Variants in AGBL1 observed in about 807,000 individuals in gnomAD.
AGBL1 encodes cytosolic carboxypeptidase 4.
In AGBL1, 130 loss-of-function variants were observed where a neutral mutation model predicts 118.9. The observed-to-expected ratio is 1.09, with a 90% CI of 0.95 to 1.26. AGBL1 has a LOEUF of 1.26. Ranked by LOEUF, AGBL1 falls within the 50% of genes most tolerant of loss-of-function variation. The pLI, the probability that AGBL1 is intolerant of heterozygous loss-of-function variation, is 0.00. For synonymous variants in AGBL1, 555 were observed against 478.9 expected (o/e 1.16, Z -2.08); for missense variants, 1,584 against 1,298.1 (o/e 1.22, Z -3.38).
At chr15:86,369,695 G>T (rs547444700) in intron 17 of AGBL1, among the ~76,000 whole-genome samples, 1 of 152,218 alleles carries the variant, frequency 6.6e-6, no homozygotes, top group African/African-American at 2.4e-5. Flanking sequence ...GACCCTCAGA[G>T]AAGGTTTGCA....
chr15:86,949,168 TAAAA>T lies in AGBL1; in HGVS notation c.3222-38815_3222-38812del, dbSNP rs571711474. Among the ~76,000 whole-genome samples, 21 of 152,114 alleles carry T rather than the reference TAAAA, an allele frequency of 1.4e-4. No homozygotes were observed. In the South Asian group the frequency reaches 4.4e-3, roughly 32 times the overall value. ...AGATAATTTTCTTAAATGAAAAAAA[TAAAA>T]AAATAATGACCCATTAAGATTTTTG... On this transcript the variant is annotated intron_variant, in intron 23 of 24. Coordinates refer to the AGBL1 transcript ENST00000441037.
intron 8 of AGBL1, among the ~76,000 whole-genome samples, chr15:86,257,281 A>C: frequency 6.6e-6 from 1 of 152,174 alleles, no homozygotes; most frequent in East Asian, 1.9e-4. Context: ...ATGCCTGTAC[A>C]GTCATCTCAG....
At chr15:86,587,467 C>A (rs949701589) in intron 21 of AGBL1, among the ~76,000 whole-genome samples, 1 of 152,048 alleles carries the variant, frequency 6.6e-6, no homozygotes. Context: ...GTTAAAAAGG[C>A]TTCATGGAGG....
intron 18 of AGBL1, among the ~76,000 whole-genome samples, chr15:86,436,060 C>G (rs1328315202): frequency 6.9e-6 from 1 of 145,208 alleles, no homozygotes; most frequent in Non-Finnish European, 1.5e-5. Context: ...AATGGAGCTT[C>G]TAAACTTTCC....
At position 86,771,921 on chromosome 15, in the gene AGBL1, T is replaced by C. The variant is rs115217028; in HGVS notation, c.3158+97485T>C. On this transcript the variant is annotated intron_variant, in intron 22 of 22. Coordinates refer to ENST00000614907, the MANE Select transcript of AGBL1 (RefSeq NM_001386094.1). ...CAGAGTCATTAAGGGAAATGGGTGT[T>C]TACATATAGCAGCCCTGGGAGATAC... Among the ~76,000 whole-genome samples the C allele has an allele frequency of 9.7e-3, 1,477 of 152,008 alleles. 16 individuals are homozygous for C. The highest frequency in any genetic ancestry group is 0.034 in the Middle Eastern group (10 of 294).
intron 18 of AGBL1, among the ~76,000 whole-genome samples, chr15:86,407,203 A>C (rs2081542047): frequency 6.6e-6 from 1 of 152,214 alleles, no homozygotes; most frequent in Non-Finnish European, 1.5e-5. Context: ...TACCTGAAAA[A>C]GTAAACTGTT....
chr15:86,132,305 CT>C (rs1030759029), intron 1 of AGBL1, among the ~76,000 whole-genome samples: 1 of 152,096 alleles, frequency 6.6e-6, no homozygotes, highest in Non-Finnish European at 1.5e-5. Context: ...CCTCCCTGTC[CT>C]GAATGCTCTT....
chr15:86,214,422 AT>A (rs1241054475), intron 5 of AGBL1, among the ~76,000 whole-genome samples: 3 of 152,184 alleles, frequency 2.0e-5, no homozygotes, highest in Non-Finnish European at 4.4e-5. Context: ...GCTTAATTAT[AT>A]TATTTACTCA....
At chr15:86,453,648 T>A (rs184577549) in intron 18 of AGBL1, among the ~76,000 whole-genome samples, 409 of 152,294 alleles carry the variant, frequency 2.7e-3, no homozygotes, top group African/African-American at 9.2e-3. Context: ...CTGGTCAATT[T>A]ATTTTATTAG....
chr15:86,698,672 A>C (rs779712483), intron 22 of AGBL1, among the ~76,000 whole-genome samples: 1 of 150,948 alleles, frequency 6.6e-6, no homozygotes, highest in Non-Finnish European at 1.5e-5. Flanking sequence ...CAGTACTCTC[A>C]GGCAAGGAAG....
intron 23 of AGBL1, among the ~76,000 whole-genome samples, chr15:86,923,621 G>A (rs1441641787): frequency 6.6e-6 from 1 of 152,068 alleles, no homozygotes; most frequent in Non-Finnish European, 1.5e-5. Context: ...CTTTTGTTGT[G>A]GTTCAATGCT....
chr15:86,307,939 C>T (rs1324589456), intron 17 of AGBL1, among the ~76,000 whole-genome samples: 2 of 152,114 alleles, frequency 1.3e-5, no homozygotes, highest in African/African-American at 4.8e-5. Flanking sequence ...ACTCATACTA[C>T]CTCAGAGTAA....
intron 24 of AGBL1, among the ~76,000 whole-genome samples, chr15:87,014,064 T>C (rs2081586747): frequency 6.6e-6 from 1 of 152,162 alleles, no homozygotes; most frequent in African/African-American, 2.4e-5. Flanking sequence ...TAATAATAAA[T>C]GATAGACACT....
intron 22 of AGBL1, among the ~76,000 whole-genome samples, chr15:86,833,169 A>G (rs750206034): frequency 3.9e-5 from 6 of 152,124 alleles, no homozygotes; most frequent in Admixed American, 2.0e-4. Context: ...GGGAGCTACA[A>G]TTCAAGATGA....
chr15:86,889,799 T>G (rs2080025123), intron 22 of AGBL1, among the ~76,000 whole-genome samples: 1 of 152,238 alleles, frequency 6.6e-6, no homozygotes, highest in Non-Finnish European at 1.5e-5. Flanking sequence ...CTATCATTGA[T>G]GGGCATGTAG....
At chr15:86,567,366 A>G (rs1161201622) in intron 21 of AGBL1, among the ~76,000 whole-genome samples, 1 of 152,166 alleles carries the variant, frequency 6.6e-6, no homozygotes, top group Non-Finnish European at 1.5e-5. Context: ...CCACTCATTT[A>G]TTCTATCTGT....
At chr15:86,716,060 C>T (rs1322489146) in intron 22 of AGBL1, among the ~76,000 whole-genome samples, 14 of 117,182 alleles carry the variant, frequency 1.2e-4, no homozygotes, top group African/African-American at 3.7e-4. Context: ...AGCAAGACTC[C>T]GTCTCAAAAA....
At position 86,928,338 on chromosome 15, in the gene AGBL1, G is replaced by A. The variant is rs562751279; in HGVS notation, c.3222-59649G>A. Among the ~76,000 whole-genome samples the A allele has an allele frequency of 1.9e-3, 295 of 152,294 alleles. 2 individuals carry two copies. Among genetic ancestry groups the A allele is most frequent in the Admixed American group, 3.3e-3 (51 of 15,302 alleles). On this transcript the variant is annotated intron_variant, in intron 23 of 24. Transcript: ENST00000441037. ...GGCAGAGAACACACAGCTCACGGTGGAAGGGACCAGGGAGGACCTGGCCTA... is the reference window on the plus strand; with the variant it reads ...GGCAGAGAACACACAGCTCACGGTGAAAGGGACCAGGGAGGACCTGGCCTA...
intron 22 of AGBL1, among the ~76,000 whole-genome samples, chr15:86,825,424 G>A (rs1280388155): frequency 3.2e-4 from 15 of 46,498 alleles, no homozygotes; most frequent in South Asian, 1.4e-3. Context: ...AAAAAAAAAA[G>A]GTTGCAAGCC....
Sources: allele counts gnomAD v4.1 joint callset (sites outside exome capture counted in the v4.1 genomes callset), GRCh38; gene constraint gnomAD v4.1.1; transcripts MANE v1.5; gene names NCBI Gene and HGNC (gene_info 2026-07-23, HGNC 2026-07-21).